Variants in PRKN observed in about 807,000 individuals in gnomAD.
PRKN encodes the protein E3 ubiquitin-protein ligase parkin.
PRKN carries 56 observed loss-of-function variants against 59.5 expected under a neutral mutation model. That is an observed-to-expected ratio of 0.94 (90% CI 0.76 to 1.18). The LOEUF (loss-of-function observed/expected upper bound fraction) is 1.18. Ranked by LOEUF, PRKN falls within the 50% of genes most tolerant of loss-of-function variation. The pLI is 0.00. For synonymous variants in PRKN, 250 were observed against 222.1 expected (o/e 1.13, Z -1.12); for missense variants, 657 against 596.4 (o/e 1.10, Z -1.06).
chr6:161,927,017 C>A (rs1778993331), intron 6 of PRKN, among the ~76,000 whole-genome samples: 1 of 152,002 alleles, frequency 6.6e-6, no homozygotes, highest in Non-Finnish European at 1.5e-5. Context: ...CTAAAGGATA[C>A]CTGTTCTAGA....
intron 9 of PRKN, among the ~76,000 whole-genome samples, chr6:161,539,526 A>G (rs1779543025): frequency 6.8e-6 from 1 of 147,714 alleles, no homozygotes; most frequent in South Asian, 2.3e-4. Flanking sequence ...TCAAAGAAAC[A>G]CTTTGCCTAA....
chr6:162,290,046 G>T (rs1294383801), intron 2 of PRKN, among the ~76,000 whole-genome samples: 1 of 152,166 alleles, frequency 6.6e-6, no homozygotes. Context: ...TATCTGAGTT[G>T]TGCTGCATGA....
chr6:162,326,811 T>A (rs184675351), intron 2 of PRKN, among the ~76,000 whole-genome samples: 6 of 152,302 alleles, frequency 3.9e-5, no homozygotes, highest in Non-Finnish European at 1.5e-5. Context: ...ATGCAATGAA[T>A]CAATGTACTG....
At chr6:162,285,266 ATTTTTTTTTTT>A (rs11392809) in intron 2 of PRKN, among the ~76,000 whole-genome samples, 22 of 95,926 alleles carry the variant, frequency 2.3e-4, no homozygotes, top group Admixed American at 8.4e-4. Context: ...TATTTTGGAG[ATTTTTTTTTTT>A]TTTTTTTTTT....
chr6:162,659,872 T>C (rs1430207965), intron 1 of PRKN, among the ~76,000 whole-genome samples: 3 of 152,180 alleles, frequency 2.0e-5, no homozygotes, highest in Non-Finnish European at 4.4e-5. Flanking sequence ...AATGCATTGC[T>C]ACTGCTTGGA....
chr6:162,658,306 AACG>A (rs1483891567), intron 1 of PRKN, among the ~76,000 whole-genome samples: 1 of 152,252 alleles, frequency 6.6e-6, no homozygotes, highest in Non-Finnish European at 1.5e-5. Context: ...AGAGTCATAC[AACG>A]AGATAATATT....
intron 1 of PRKN, among the ~76,000 whole-genome samples, chr6:162,600,571 G>A (rs889734421): frequency 2.0e-5 from 3 of 152,256 alleles, no homozygotes; most frequent in South Asian, 2.1e-4. Context: ...GTTTGGATCC[G>A]TGTGATTTGG....
intron 7 of PRKN, among the ~76,000 whole-genome samples, chr6:161,732,108 A>C (rs1787741400): frequency 1.4e-5 from 2 of 146,034 alleles, no homozygotes; most frequent in African/African-American, 5.4e-5. Flanking sequence ...TTTTTTTGAG[A>C]TGGAGTCTTG....
chr6:162,216,398 CG>C (rs1307614781), intron 3 of PRKN, among the ~76,000 whole-genome samples: 3 of 151,158 alleles, frequency 2.0e-5, no homozygotes, highest in Non-Finnish European at 4.4e-5. Flanking sequence ...GGCGCGGTGG[CG>C]GGCGCCTGTA....
chr6:161,853,121 A>G (rs1793504916), intron 6 of PRKN, among the ~76,000 whole-genome samples: 1 of 152,230 alleles, frequency 6.6e-6, no homozygotes, highest in South Asian at 2.1e-4. Flanking sequence ...TTGAGAACTG[A>G]AAGTTGGAAG....
intron 2 of PRKN, among the ~76,000 whole-genome samples, chr6:162,380,697 T>C (rs1363278029): frequency 6.6e-6 from 1 of 151,704 alleles, no homozygotes; most frequent in Non-Finnish European, 1.5e-5. Context: ...AGAAATATAC[T>C]TCTGTGGGCT....
intron 1 of PRKN, among the ~76,000 whole-genome samples, chr6:162,609,718 A>G (rs554065545): frequency 6.5e-4 from 99 of 152,324 alleles, no homozygotes; most frequent in African/African-American, 2.3e-3. Flanking sequence ...TAAAACACAT[A>G]AAATACATTA....
At chr6:162,133,811 A>G (rs796614734) in intron 4 of PRKN, among the ~76,000 whole-genome samples, 2 of 152,194 alleles carry the variant, frequency 1.3e-5, no homozygotes, top group African/African-American at 2.4e-5. Context: ...GAAAATGACC[A>G]TGTCATTTGG....
At chr6:161,411,923 A>C (rs1583033736) in intron 9 of PRKN, among the ~76,000 whole-genome samples, 1 of 128,892 alleles carries the variant, frequency 7.8e-6, no homozygotes, top group African/African-American at 3.1e-5. Context: ...TCCTCCACTC[A>C]CTCACTCCTC....
Position 161,523,394 on chromosome 6 carries a change from C to G in PRKN, c.1083+25460G>C, listed in dbSNP as rs1019713345. Among the ~76,000 whole-genome samples the G allele has an allele frequency of 3.3e-5, 5 of 152,236 alleles. No homozygotes were observed. The East Asian group carries it at 7.7e-4, about 24-fold the overall frequency. On this transcript the variant is annotated intron_variant, in intron 9 of 11. Transcript: ENST00000366898. ...GAGAATAAAATATGTTCACATGTAA[C>G]AAAAATACAAATGTATCTCCTGTTA...
chr6:162,529,643 A>G (rs1778428465), intron 1 of PRKN, among the ~76,000 whole-genome samples: 1 of 152,168 alleles, frequency 6.6e-6, no homozygotes, highest in African/African-American at 2.4e-5. Context: ...GGCAGCAGTG[A>G]GGCCAGATAG....
At position 161,498,425 on chromosome 6, in the gene PRKN, C is replaced by T. The variant is rs892908307; in HGVS notation, c.1083+50429G>A. Among the ~76,000 whole-genome samples the T allele has an allele frequency of 7.2e-5, 11 of 152,184 alleles. No homozygotes were observed. Among genetic ancestry groups the T allele is most frequent in the East Asian group, 1.9e-4 (1 of 5,192 alleles). ...CTCCTCCCAACACACCACATGACCC[C>T]GCCGTGCCAGCCATTCACACTGCTC... On this transcript the variant is annotated intron_variant, in intron 9 of 11. Transcript: ENST00000366898. This position sits in a 1 kb window ranked among gnomAD's most constrained non-coding sequence, Gnocchi z 4.2.
At chr6:161,693,450 CT>C (rs1785887875) in intron 7 of PRKN, among the ~76,000 whole-genome samples, 1 of 152,180 alleles carries the variant, frequency 6.6e-6, no homozygotes, top group East Asian at 1.9e-4. Flanking sequence ...AGTTTGGGCA[CT>C]TTTTTTATAT....
intron 3 of PRKN, among the ~76,000 whole-genome samples, chr6:162,209,747 C>T (rs192619608): frequency 1.3e-3 from 191 of 152,206 alleles, no homozygotes; most frequent in Admixed American, 2.7e-3. Context: ...GAAAATGTGG[C>T]ACATATACAC....
Sources: gnomAD v4.1 joint callset for allele counts (sites outside exome capture counted in the v4.1 genomes callset) on GRCh38, gnomAD v4.1.1 for gene constraint, Gnocchi (gnomAD v3.1) non-coding constraint, MANE v1.5 for transcripts, NCBI Gene and HGNC (gene_info 2026-07-23, HGNC 2026-07-21) for gene names.